The following GOT1 variants were observed in gnomAD, a reference collection of about 807,000 sequenced individuals.
The protein encoded by GOT1 is aspartate aminotransferase, cytoplasmic.
In GOT1, 25 loss-of-function variants were observed where a neutral mutation model predicts 48.2. The observed-to-expected ratio is 0.52, with a 90% CI of 0.38 to 0.72. The LOEUF is 0.72. GOT1 is among the 30% of genes least tolerant of loss of function. The pLI is 0.00. For synonymous variants in GOT1, 188 were observed against 193.8 expected, an observed-to-expected ratio of 0.97 and a Z score of 0.25; for missense variants, 380 against 520.1, an observed-to-expected ratio of 0.73 and a Z score of 2.62.
At chr10:99,415,174 A>G (rs1211962487) in intron 2 of GOT1, among the ~76,000 whole-genome samples, 4 of 152,186 alleles carry the variant, frequency 2.6e-5, no homozygotes, top group Non-Finnish European at 2.9e-5. Context: ...GAAAAGATCA[A>G]CAAAATTGAT....
intron 1 of GOT1, among the ~76,000 whole-genome samples, chr10:99,428,638 G>A (rs567166811): frequency 2.9e-3 from 445 of 152,318 alleles, no homozygotes; most frequent in Non-Finnish European, 4.6e-3. Flanking sequence ...GATTACAGGC[G>A]TGAGCCACCG....
chr10:99,413,068 C>A (rs1466907629), intron 2 of GOT1, among the ~76,000 whole-genome samples: 1 of 152,220 alleles, frequency 6.6e-6, no homozygotes, highest in Non-Finnish European at 1.5e-5. Context: ...TCCTCACCAG[C>A]AACGGAACAA....
intron 2 of GOT1, among the ~76,000 whole-genome samples, chr10:99,407,182 AGT>A (rs3045656): frequency 0.73 from 108,918 of 149,780 alleles, 41,119 homozygotes; most frequent in East Asian, 0.91. Context: ...AGGCCACATT[AGT>A]GTGTGTGTGT....
chr10:99,427,910 C>A (rs576427216), intron 1 of GOT1, among the ~76,000 whole-genome samples: 1 of 152,312 alleles, frequency 6.6e-6, no homozygotes, highest in Admixed American at 6.5e-5. Context: ...AAACCACCCT[C>A]CAGAGTTGTG....
chr10:99,422,488 A>G (rs917479907), intron 1 of GOT1, among the ~76,000 whole-genome samples: 1 of 152,230 alleles, frequency 6.6e-6, no homozygotes. Context: ...TTTATAAAAT[A>G]TGGATCAAAC....
intron 1 of GOT1, among the ~76,000 whole-genome samples, chr10:99,426,407 G>A (rs886388395): frequency 6.6e-6 from 1 of 152,148 alleles, no homozygotes; most frequent in Non-Finnish European, 1.5e-5. Flanking sequence ...CCACTCAAGA[G>A]CCTATTAGGA....
intron 2 of GOT1, among the ~76,000 whole-genome samples, chr10:99,418,932 C>A (rs766210560): frequency 2.6e-5 from 4 of 152,334 alleles, no homozygotes; most frequent in South Asian, 2.1e-4. Flanking sequence ...GACTTCAGTT[C>A]ATTGAGGCAA....
intron 2 of GOT1, among the ~76,000 whole-genome samples, chr10:99,419,552 C>T (rs2032940853): frequency 1.3e-5 from 2 of 152,116 alleles, no homozygotes; most frequent in South Asian, 4.1e-4. Context: ...TGCCCCTCTT[C>T]CATATTTTAT....
chr10:99,414,894 G>A (rs563440939), intron 2 of GOT1, among the ~76,000 whole-genome samples: 27 of 151,928 alleles, frequency 1.8e-4, no homozygotes, highest in African/African-American at 5.8e-4. Flanking sequence ...TGAAACCACC[G>A]AGAACAAAGA....
intron 5 of GOT1, among the ~76,000 whole-genome samples, chr10:99,405,387 T>C (rs2032741185): frequency 6.6e-6 from 1 of 152,094 alleles, no homozygotes; most frequent in Non-Finnish European, 1.5e-5. Flanking sequence ...AAATATAATA[T>C]AGCTATGAAA....
At chr10:99,425,272 T>C (rs2033023490) in intron 1 of GOT1, among the ~76,000 whole-genome samples, 1 of 152,230 alleles carries the variant, frequency 6.6e-6, no homozygotes, top group Non-Finnish European at 1.5e-5. Flanking sequence ...TGCATTTTCA[T>C]GACTCTGATG....
intron 4 of GOT1, 38 bp from the exon 5 acceptor site, chr10:99,405,898 G>A (rs747828466): frequency 8.1e-6 from 9 of 1,114,942 alleles, no homozygotes; most frequent in African/African-American, 3.1e-5. Context: ...TGACACTGAT[G>A]GGAATATTGG....
At chr10:99,414,958 T>C (rs2032874489) in intron 2 of GOT1, among the ~76,000 whole-genome samples, 1 of 146,968 alleles carries the variant, frequency 6.8e-6, no homozygotes, top group South Asian at 2.1e-4. Flanking sequence ...AGAGGGAAAT[T>C]TATAGCACTA....
At chr10:99,407,877 G>T (rs1305683642) in intron 2 of GOT1, among the ~76,000 whole-genome samples, 2 of 151,862 alleles carry the variant, frequency 1.3e-5, no homozygotes, top group Admixed American at 1.3e-4. Context: ...ATGTGCCATG[G>T]TGGTTTGTGG....
intron 5 of GOT1, among the ~76,000 whole-genome samples, chr10:99,404,449 A>G (rs2032727598): frequency 6.6e-6 from 1 of 152,086 alleles, no homozygotes; most frequent in South Asian, 2.1e-4. Flanking sequence ...ACTGGGGGGA[A>G]TCTGGACTCC....
intron 2 of GOT1, among the ~76,000 whole-genome samples, chr10:99,407,170 C>A (rs971204273): frequency 7.6e-6 from 1 of 130,896 alleles, no homozygotes; most frequent in African/African-American, 2.6e-5. Flanking sequence ...GAGGACACAC[C>A]GAGGCCACAT....
chr10:99,402,844 T>C, intron 7 of GOT1, 122 bp from the exon 8 acceptor site: 3 of 765,146 alleles, frequency 3.9e-6, no homozygotes, highest in Non-Finnish European at 4.4e-6. Context: ...CTGCCTATTA[T>C]GGCATGTGGA....
chr10:99,428,566 CA>C (rs1384137140), intron 1 of GOT1, among the ~76,000 whole-genome samples: 1 of 152,194 alleles, frequency 6.6e-6, no homozygotes, highest in Admixed American at 6.5e-5. Context: ...CCATGTTAGC[CA>C]GGCTGGTCTC....
At position 99,406,741 on chromosome 10, in the gene GOT1, A is replaced by G; in HGVS notation, c.409T>C (p.Ser137Pro). The change falls in exon 3 of 9, where the codon TCC (serine) becomes CCC (proline). Residue 137 changes from serine (S) to proline (P), a missense_variant. Physicochemically the swap from Ser to Pro is moderately conservative, Grantham distance 74. Coordinates refer to ENST00000370508, the MANE Select transcript of GOT1 (RefSeq NM_002079.3). Reference sequence around the variant, plus strand: ...AAAGACTCACCCCAGGTTGGTGAGGACACATAGACAGGTGTGTTCTTGTTG... The same window carrying G: ...AAAGACTCACCCCAGGTTGGTGAGGGCACATAGACAGGTGTGTTCTTGTTG... ...TNNKNTPVYVSSPTWENHNAV... is the reference protein window; with the variant it reads ...TNNKNTPVYVPSPTWENHNAV... The G allele has an allele frequency of 6.2e-7, 1 of 1,613,792 alleles. No homozygotes were observed. Among genetic ancestry groups the G allele is most frequent in the Non-Finnish European group, 8.5e-7 (1 of 1,179,778 alleles).
Sources: allele counts gnomAD v4.1 joint callset (sites outside exome capture counted in the v4.1 genomes callset), GRCh38; gene constraint gnomAD v4.1.1; transcripts MANE v1.5; gene names NCBI Gene and HGNC (gene_info 2026-07-23, HGNC 2026-07-21).